The following SLC44A5 variants were observed in gnomAD, a reference collection of about 807,000 sequenced individuals.
The protein encoded by SLC44A5 is solute carrier family 44 member 5.
In SLC44A5, 57 loss-of-function variants were observed where a neutral mutation model predicts 101.8. The ratio of observed to expected loss-of-function variants is 0.56; its 90% CI spans 0.45 to 0.70. SLC44A5 has a LOEUF of 0.70. Ranked by LOEUF, SLC44A5 falls within the 30% of genes least tolerant of loss-of-function variation. The probability of loss-of-function intolerance (pLI) is 0.00; values close to 1 mark genes in which losing one functional copy is unlikely to be tolerated. For synonymous variants in SLC44A5, 281 were observed against 290.9 expected (o/e 0.97, Z 0.35); for missense variants, 737 against 853.1 (o/e 0.86, Z 1.70).
At chr1:75,395,020 T>C (rs1662037099) in intron 3 of SLC44A5, among the ~76,000 whole-genome samples, 1 of 152,080 alleles carries the variant, frequency 6.6e-6, no homozygotes, top group African/African-American at 2.4e-5. Context: ...ATATCCTATA[T>C]TGAACCTTTC....
intron 1 of SLC44A5, among the ~76,000 whole-genome samples, chr1:75,587,652 T>G (rs1674091274): frequency 6.6e-6 from 1 of 152,266 alleles, no homozygotes; most frequent in African/African-American, 2.4e-5. Flanking sequence ...CTTTTTCACA[T>G]TAGGCCTCTT....
chr1:75,216,640 ATAATAGCCATTC>A (rs1424531891), intron 18 of SLC44A5, among the ~76,000 whole-genome samples: 2 of 151,946 alleles, frequency 1.3e-5, no homozygotes, highest in African/African-American at 4.8e-5. Flanking sequence ...TTATATATAT[ATAATAGCCATTC>A]TAATGTGTAT....
the SLC44A5 span, among the ~76,000 whole-genome samples, chr1:75,638,961 T>C: frequency 6.6e-6 from 1 of 152,032 alleles, no homozygotes; most frequent in Non-Finnish European, 1.5e-5. Context: ...GGAGCACAAT[T>C]ATCACATAAT....
Position 75,481,734 on chromosome 1 carries a change from C to T in SLC44A5, c.13+59701G>A, listed in dbSNP as rs1184490461. Reference sequence around the variant, plus strand: ...CATCTCACATCAGTTACAATGGCAACCATGAAAAAGTCAGGAAACAACAGG... The same window carrying T: ...CATCTCACATCAGTTACAATGGCAATCATGAAAAAGTCAGGAAACAACAGG... On this transcript the variant is annotated intron_variant, in intron 2 of 23. Coordinates refer to ENST00000370859, the MANE Select transcript of SLC44A5 (RefSeq NM_001130058.2). 4.6e-5 allele frequency among the ~76,000 whole-genome samples: 7 copies of T among 152,126 alleles called. No individual in the cohort carries two copies. In the South Asian group the frequency reaches 8.3e-4, roughly 18 times the overall value.
chr1:75,479,206 G>A (rs888621834), intron 2 of SLC44A5, among the ~76,000 whole-genome samples: 32 of 152,252 alleles, frequency 2.1e-4, no homozygotes, highest in Admixed American at 4.6e-4. Flanking sequence ...AAACCAATGA[G>A]AACAAAGACA....
At chr1:75,209,255 A>G (rs536528007) in intron 23 of SLC44A5, among the ~76,000 whole-genome samples, 21 of 152,366 alleles carry the variant, frequency 1.4e-4, no homozygotes, top group African/African-American at 5.0e-4. Flanking sequence ...CATATTAGCC[A>G]AAACTTCCAA....
intron 2 of SLC44A5, among the ~76,000 whole-genome samples, chr1:75,409,121 C>T (rs186725176): frequency 2.6e-4 from 39 of 152,200 alleles, no homozygotes; most frequent in African/African-American, 8.4e-4. Flanking sequence ...TATAAATGGA[C>T]GCTTAACAAT....
At chr1:75,386,027 C>A (rs1338532307) in intron 3 of SLC44A5, among the ~76,000 whole-genome samples, 2 of 152,152 alleles carry the variant, frequency 1.3e-5, no homozygotes. Flanking sequence ...GCTAAAAACT[C>A]TCAATAAATT....
intron 3 of SLC44A5, among the ~76,000 whole-genome samples, chr1:75,388,064 G>A (rs950703846): frequency 5.2e-5 from 6 of 116,408 alleles, no homozygotes; most frequent in Admixed American, 9.3e-5. Flanking sequence ...ACTGTTGTGG[G>A]GTGGGGGGAG....
At chr1:75,508,917 C>T (rs1247061402) in intron 2 of SLC44A5, among the ~76,000 whole-genome samples, 1 of 152,170 alleles carries the variant, frequency 6.6e-6, no homozygotes, top group Non-Finnish European at 1.5e-5. Flanking sequence ...TGTTGACCCA[C>T]AGTGGGTTTT....
intron 2 of SLC44A5, among the ~76,000 whole-genome samples, chr1:75,532,826 G>A (rs1395913212): frequency 6.6e-6 from 1 of 152,104 alleles, no homozygotes. Flanking sequence ...GATAGCCTGA[G>A]CTCAAGAGTT....
At chr1:75,593,255 C>A (rs907673190) in intron 1 of SLC44A5, among the ~76,000 whole-genome samples, 2 of 152,020 alleles carry the variant, frequency 1.3e-5, no homozygotes, top group Non-Finnish European at 2.9e-5. Flanking sequence ...CATTGCTTAT[C>A]AGAGAAATAC....
chr1:75,392,024 A>C (rs58605304), intron 3 of SLC44A5, among the ~76,000 whole-genome samples: 32,549 of 151,840 alleles, frequency 0.21, 3,613 homozygotes, highest in Non-Finnish European at 0.24. Flanking sequence ...GCATCGTGGC[A>C]CATAGTCCCA....
intron 2 of SLC44A5, among the ~76,000 whole-genome samples, chr1:75,445,809 G>C (rs1009508095): frequency 6.6e-6 from 1 of 152,012 alleles, no homozygotes; most frequent in Non-Finnish European, 1.5e-5. Flanking sequence ...TAGCTAAAAA[G>C]CACCTCAAGT....
chr1:75,310,409 G>GT (rs1468541528), intron 4 of SLC44A5, among the ~76,000 whole-genome samples: 13 of 152,102 alleles, frequency 8.5e-5, no homozygotes, highest in African/African-American at 3.1e-4. Context: ...AAGAGTCTTT[G>GT]TTTTTTTATT....
intron 2 of SLC44A5, among the ~76,000 whole-genome samples, chr1:75,487,149 C>A (rs180780883): frequency 6.6e-6 from 1 of 152,026 alleles, no homozygotes; most frequent in East Asian, 1.9e-4. Context: ...GTCCTTGCTC[C>A]TATGGAGTTT....
chr1:75,300,516 G>T, intron 5 of SLC44A5, 96 bp downstream of exon 5: 4 of 734,270 alleles, frequency 5.4e-6, no homozygotes, highest in Non-Finnish European at 6.4e-6. Context: ...TAATAGGAAG[G>T]CTTTTGGAAG....
chr1:75,365,392 G>T (rs1222338477), intron 3 of SLC44A5, among the ~76,000 whole-genome samples: 1 of 152,036 alleles, frequency 6.6e-6, no homozygotes, highest in Non-Finnish European at 1.5e-5. Context: ...TTATCATTTA[G>T]CTCCAACTTA....
At chr1:75,505,281 A>C (rs1316857187) in intron 2 of SLC44A5, among the ~76,000 whole-genome samples, 1 of 152,104 alleles carries the variant, frequency 6.6e-6, no homozygotes, top group East Asian at 1.9e-4. Flanking sequence ...ACCTAGTTTG[A>C]TTCCATGTCT....
Sources: gnomAD v4.1 joint callset for allele counts (sites outside exome capture counted in the v4.1 genomes callset) on GRCh38, gnomAD v4.1.1 for gene constraint, MANE v1.5 for transcripts, NCBI Gene and HGNC (gene_info 2026-07-23, HGNC 2026-07-21) for gene names.